The following ZNF44 variants were observed in gnomAD, a reference collection of about 807,000 sequenced individuals.
ZNF44 encodes the protein zinc finger protein 44.
ZNF44 carries 9 observed loss-of-function variants against 11.7 expected under a neutral mutation model. That is an observed-to-expected ratio of 0.77 (90% CI 0.46 to 1.35). The LOEUF (loss-of-function observed/expected upper bound fraction) is 1.35, where lower values mean the gene tolerates loss of function less well. Ranked by LOEUF, ZNF44 falls within the 40% of genes most tolerant of loss-of-function variation. The pLI is 0.00. For synonymous variants in ZNF44, 224 were observed against 242.7 expected, an observed-to-expected ratio of 0.92 and a Z score of 0.72; for missense variants, 696 against 743.1, an observed-to-expected ratio of 0.94 and a Z score of 0.74.
At chr19:12,284,465 CA>C (rs1254481228) in intron 1 of ZNF44, 2 of 646,748 alleles carry the variant, frequency 3.1e-6, no homozygotes, top group African/African-American at 3.6e-5. Flanking sequence ...CTCTGAGAGG[CA>C]AGGCCGAGGA....
chr19:12,273,231 A>G lies in ZNF44; in HGVS notation c.1024T>C (p.Cys342Arg), dbSNP rs1158310186. The G allele has an allele frequency of 2.5e-6, 4 of 1,613,914 alleles. No homozygotes were observed. Among genetic ancestry groups the G allele is most frequent in the African/African-American group, 1.3e-5 (1 of 74,886 alleles). ...CCAGGAAAATCAAAGCCTTTCCCAC[A>G]TATCTTACATTTATGAGGTCCATCT... ...SGDGPHKCKICGKGFDFPGSA... is the reference protein window; with the variant it reads ...SGDGPHKCKIRGKGFDFPGSA... The change falls in exon 4 of 4, where the codon TGT becomes CGT. Residue 342 changes from cysteine to arginine, a missense_variant. Cys to Arg is a radical substitution (Grantham distance 180). Transcript: ENST00000355684.
intron 3 of ZNF44, 115 bp downstream of exon 3, chr19:12,274,857 TA>T: frequency 3.0e-6 from 2 of 668,224 alleles, no homozygotes; most frequent in Non-Finnish European, 4.9e-6. Flanking sequence ...GAAATTTTTC[TA>T]AGAATAAATA....
intron 2 of ZNF44, among the ~76,000 whole-genome samples, chr19:12,231,843 T>G (rs888037131): frequency 4.6e-5 from 7 of 152,114 alleles, no homozygotes; most frequent in Admixed American, 3.9e-4. Context: ...TCTGAAGGGG[T>G]GGGTTGCCCC....
At chr19:12,267,798 A>G (rs1917787066), downstream of ZNF44, among the ~76,000 whole-genome samples, 1 of 150,938 alleles carries the variant, frequency 6.6e-6, no homozygotes, top group Non-Finnish European at 1.5e-5. Context: ...AACCCAAATG[A>G]GACTTAGTCT....
rs1210087491 is a variant in ZNF44 at position 12,293,196 on chromosome 19, T to C, written c.3+1496A>G. On this transcript the variant is annotated intron_variant, in intron 1 of 3. Transcript: ENST00000355684. ...AGGGGTTAGCTTTTTACAGGAATGA[T>C]ATACCAGAAGATTCCTCCCACCCCA... is the stretch of plus-strand genomic sequence containing the variant. 54 of 1,527,924 alleles carry C rather than the reference T, an allele frequency of 3.5e-5. 1 individual carries two copies. Among genetic ancestry groups the C allele is most frequent in the Middle Eastern group, 3.4e-4 (2 of 5,878 alleles). 94.6% of individuals were successfully genotyped at this position (1,527,924 alleles called of 1,614,324 possible).
At chr19:12,289,515 C>T (rs1967911407) in intron 1 of ZNF44, among the ~76,000 whole-genome samples, 1 of 152,020 alleles carries the variant, frequency 6.6e-6, no homozygotes, top group Non-Finnish European at 1.5e-5. Flanking sequence ...CTCTCCCTCT[C>T]ATTTCCTTTG....
At chr19:12,238,939 C>T (rs1916504025), upstream of ZNF44, among the ~76,000 whole-genome samples, 1 of 152,234 alleles carries the variant, frequency 6.6e-6, no homozygotes, top group African/African-American at 2.4e-5. Context: ...CAGAGGGGAT[C>T]AGTCTGTGAG....
At chr19:12,266,735 G>A (rs753416795) in intron 5 of ZNF44, among the ~76,000 whole-genome samples, 1 of 152,216 alleles carries the variant, frequency 6.6e-6, no homozygotes, top group Non-Finnish European at 1.5e-5. Context: ...AGCAGGACAT[G>A]CCCTCGCCAG....
intron 1 of ZNF44, among the ~76,000 whole-genome samples, chr19:12,288,034 C>T (rs921192460): frequency 1.3e-5 from 2 of 152,152 alleles, no homozygotes; most frequent in African/African-American, 2.4e-5. Context: ...ATTTGCTGAA[C>T]ACGAGCCAAT....
At chr19:12,226,168 A>G (rs886410833) in exon 4 of ZNF44, 5 of 152,196 alleles carry the variant, frequency 3.3e-5, no homozygotes, top group Non-Finnish European at 5.9e-5. Flanking sequence ...AGCAAGAATA[A>G]TTATTTGTTA....
At chr19:12,287,221 C>T (rs946385323) in intron 1 of ZNF44, among the ~76,000 whole-genome samples, 20 of 152,076 alleles carry the variant, frequency 1.3e-4, no homozygotes, top group African/African-American at 4.8e-4. Flanking sequence ...CCCCATGAGT[C>T]TTCACTGTCC....
At chr19:12,290,048 T>C (rs1967942496) in intron 1 of ZNF44, among the ~76,000 whole-genome samples, 1 of 152,192 alleles carries the variant, frequency 6.6e-6, no homozygotes, top group Non-Finnish European at 1.5e-5. Flanking sequence ...TGCCTCTGCC[T>C]GTGGATCCCC....
rs771366938 is a variant in ZNF44, at chr19:12,273,162, A to T, written c.1093T>A (p.Tyr365Asn). ...HEGTHTLEKP[Y>N]ECKQCGKLLS... ...AATTTCCCACATTGCTTACATTCAT[A>T]GGGTTTCTCTAGAGTGTGAGTTCCT... The change falls in exon 4 of 4, where the codon TAT becomes AAT. Residue 365 changes from tyrosine (Y) to asparagine (N), a missense_variant. By Grantham distance (143) the Tyr-to-Asn change is moderately radical (BLOSUM62 -2). Coordinates refer to ENST00000355684, the MANE Select transcript of ZNF44 (RefSeq NM_016264.4). 3 of 1,613,894 alleles carry T rather than the reference A, an allele frequency of 1.9e-6. No individual in the cohort carries two copies. The highest frequency in any genetic ancestry group is 2.2e-5 in the South Asian group (2 of 91,070).
intron 1 of ZNF44, among the ~76,000 whole-genome samples, chr19:12,278,854 G>T (rs1278578832): frequency 6.6e-6 from 1 of 152,140 alleles, no homozygotes; most frequent in Non-Finnish European, 1.5e-5. Flanking sequence ...AAAGCCCCAC[G>T]CAGGCACAGG....
At chr19:12,250,190 A>G in intron 6 of ZNF44, 1 of 1,302,462 alleles carries the variant, frequency 7.7e-7, no homozygotes, top group Non-Finnish European at 1.0e-6. Context: ...TATCCAAGAA[A>G]AAGGTATTCT....
rs1917379816 is a variant in ZNF44 at position 12,258,882 on chromosome 19, G to A, written c.1913-8514C>T. Among the ~76,000 whole-genome samples, 3 of 151,872 alleles carry A rather than the reference G, an allele frequency of 2.0e-5. No homozygotes were observed. In the South Asian group the frequency reaches 6.2e-4, roughly 32 times the overall value. On this transcript the variant is annotated intron_variant and NMD_transcript_variant, in intron 5 of 7. Coordinates refer to the ZNF44 transcript ENST00000393337. ...GTTCAGAGCTTCCTTGGTCACTGTG[G>A]GATTTTTTAAGGGCTGTTGTCTCAC...
At chr19:12,241,717 G>A (rs1317832970), upstream of ZNF44, among the ~76,000 whole-genome samples, 1 of 152,098 alleles carries the variant, frequency 6.6e-6, no homozygotes, top group Non-Finnish European at 1.5e-5. Context: ...ATGGAAAGCA[G>A]GGACTCAGAC....
At chr19:12,259,753 G>T (rs1391495158) in intron 5 of ZNF44, among the ~76,000 whole-genome samples, 2 of 152,192 alleles carry the variant, frequency 1.3e-5, no homozygotes, top group African/African-American at 2.4e-5. Flanking sequence ...AGTCAGGTTT[G>T]AACTAACTTC....
intron 2 of ZNF44, among the ~76,000 whole-genome samples, chr19:12,232,368 C>T (rs1300186766): frequency 1.3e-5 from 2 of 152,154 alleles, no homozygotes; most frequent in Non-Finnish European, 2.9e-5. Flanking sequence ...AGCACAGACC[C>T]TTTACGGGTG....
Sources: allele counts gnomAD v4.1 joint callset (sites outside exome capture counted in the v4.1 genomes callset), GRCh38; gene constraint gnomAD v4.1.1; transcripts MANE v1.5; gene names NCBI Gene and HGNC (gene_info 2026-07-23, HGNC 2026-07-21).